The following SH3RF3 variants were observed in gnomAD, a reference collection of about 807,000 sequenced individuals.
SH3RF3 encodes E3 ubiquitin-protein ligase SH3RF3.
SH3RF3 carries 29 observed loss-of-function variants against 66.3 expected under a neutral mutation model. The ratio of observed to expected loss-of-function variants is 0.44; its 90% CI spans 0.33 to 0.60. The LOEUF (loss-of-function observed/expected upper bound fraction) is 0.60, where lower values mean the gene tolerates loss of function less well. Among genes scored for constraint, SH3RF3 ranks in the 20% least tolerant of loss-of-function variants. SH3RF3 has a pLI of 0.04. For missense variants in SH3RF3, 1,194 were observed against 1,190.9 expected (o/e 1.00, Z -0.04); for synonymous variants, 583 against 532.0 (o/e 1.10, Z -1.32).
chr2:109,170,481 G>A (rs1677752079), intron 1 of SH3RF3, among the ~76,000 whole-genome samples: 1 of 152,026 alleles, frequency 6.6e-6, no homozygotes, highest in Non-Finnish European at 1.5e-5. Flanking sequence ...GAGTAGCTGG[G>A]ACTGCAGGCG....
At chr2:109,429,951 G>A (rs531215006) in intron 5 of SH3RF3, among the ~76,000 whole-genome samples, 12 of 152,294 alleles carry the variant, frequency 7.9e-5, no homozygotes, top group African/African-American at 2.4e-4. Flanking sequence ...GCCAATCCAC[G>A]GAACAAGGCC....
At chr2:109,463,717 A>C (rs1678266033) in intron 8 of SH3RF3, among the ~76,000 whole-genome samples, 1 of 152,198 alleles carries the variant, frequency 6.6e-6, no homozygotes, top group African/African-American at 2.4e-5. Flanking sequence ...CAAAGTTTTT[A>C]ACACCTTGGA....
chr2:109,471,757 G>A (rs1391000190), intron 8 of SH3RF3, among the ~76,000 whole-genome samples: 1 of 152,196 alleles, frequency 6.6e-6, no homozygotes, highest in Admixed American at 6.5e-5. Context: ...GGTCCCAAGA[G>A]CTTAGCCATA....
intron 1 of SH3RF3, among the ~76,000 whole-genome samples, chr2:109,144,623 G>T (rs1307314711): frequency 6.6e-6 from 1 of 152,264 alleles, no homozygotes; most frequent in African/African-American, 2.4e-5. Flanking sequence ...GCAAACATGA[G>T]AAACCCAGCC....
chr2:109,449,530 G>A (rs1205163729), intron 8 of SH3RF3, 41 bp downstream of exon 8: 2 of 1,592,016 alleles, frequency 1.3e-6, no homozygotes, highest in Non-Finnish European at 1.7e-6. Flanking sequence ...CTCGAGGCCA[G>A]CTGCTTACTG....
At chr2:109,410,173 G>A (rs961381151) in intron 4 of SH3RF3, among the ~76,000 whole-genome samples, 1 of 152,338 alleles carries the variant, frequency 6.6e-6, no homozygotes, top group East Asian at 1.9e-4. Context: ...TCGGGGAACC[G>A]CGGCCACAGC....
chr2:109,359,849 C>T (rs1683019497), intron 2 of SH3RF3, among the ~76,000 whole-genome samples: 1 of 152,156 alleles, frequency 6.6e-6, no homozygotes, highest in South Asian at 2.1e-4. Context: ...TTCCCCCATG[C>T]AAGCACAACC....
At chr2:109,328,862 A>AT (rs1206429895) in intron 1 of SH3RF3, among the ~76,000 whole-genome samples, 1 of 152,158 alleles carries the variant, frequency 6.6e-6, no homozygotes, top group African/African-American at 2.4e-5. Context: ...AGTGTCAAAT[A>AT]TATCCCTGGA....
chr2:109,139,582 C>G (rs779170526), intron 1 of SH3RF3, among the ~76,000 whole-genome samples: 2 of 152,034 alleles, frequency 1.3e-5, no homozygotes, highest in African/African-American at 2.4e-5. Context: ...AAATGTGTTC[C>G]TTATGGAATT....
chr2:109,367,005 G>A (rs939902358), intron 2 of SH3RF3, among the ~76,000 whole-genome samples: 7 of 152,262 alleles, frequency 4.6e-5, no homozygotes, highest in African/African-American at 1.7e-4. Flanking sequence ...CCAGGCTGGA[G>A]TGGAGTGGCA....
chr2:109,353,808 G>A lies in SH3RF3; in HGVS notation c.849+5859G>A, dbSNP rs1385616813. ...GTGTGCATGCGTGTGTCCGTGTGCA[G>A]TGGGAGCTGCCGGCAGTGAGAGGGT... On this transcript the variant is annotated intron_variant, in intron 2 of 9. Coordinates refer to ENST00000309415, the MANE Select transcript of SH3RF3 (RefSeq NM_001099289.3). Among the ~76,000 whole-genome samples the A allele has an allele frequency of 2.0e-5, 3 of 152,218 alleles. 1 individual carries two copies. Among genetic ancestry groups the A allele is most frequent in the African/African-American group, 7.2e-5 (3 of 41,458 alleles).
chr2:109,453,814 C>T (rs1437040962), intron 8 of SH3RF3, among the ~76,000 whole-genome samples: 3 of 152,192 alleles, frequency 2.0e-5, no homozygotes, highest in South Asian at 4.1e-4. Flanking sequence ...CCGACAAAGG[C>T]GCCTGGTCAG....
At chr2:109,172,829 C>T (rs1677819058) in intron 1 of SH3RF3, among the ~76,000 whole-genome samples, 1 of 152,244 alleles carries the variant, frequency 6.6e-6, no homozygotes, top group Admixed American at 6.5e-5. Flanking sequence ...GAAGCCTCGA[C>T]TGGTGAGTAT....
intron 4 of SH3RF3, among the ~76,000 whole-genome samples, chr2:109,407,569 A>G (rs1676481403): frequency 6.6e-6 from 1 of 152,192 alleles, no homozygotes; most frequent in African/African-American, 2.4e-5. Context: ...CAGCCCCCAG[A>G]CTTACTGCTT....
chr2:109,462,508 G>A (rs1678232929), intron 8 of SH3RF3, among the ~76,000 whole-genome samples: 1 of 152,106 alleles, frequency 6.6e-6, no homozygotes, highest in Non-Finnish European at 1.5e-5. Flanking sequence ...GGCCAAACAG[G>A]AGAGTTGAAT....
chr2:109,278,229 C>T (rs931405764), intron 1 of SH3RF3, among the ~76,000 whole-genome samples: 1 of 152,058 alleles, frequency 6.6e-6, no homozygotes, highest in African/African-American at 2.4e-5. Context: ...TCTCTGCACT[C>T]CTTTGTGGAG....
chr2:109,490,684 C>T lies in SH3RF3; in HGVS notation c.2228C>T (p.Ser743Phe). ...AAGTCACGCTCCCCGCCATCTGTGT[C>T]TCCAACCCACGACCCCCAGGTGGCC... ...KKKSRSPPSV[S>F]PTHDPQVAVD... Residue 743 changes from serine (S) to phenylalanine (F), a missense_variant, in exon 9 of 10, where the codon TCT becomes TTT. Coordinates refer to ENST00000309415, the MANE Select transcript of SH3RF3 (RefSeq NM_001099289.3). The T allele has an allele frequency of 6.5e-7, 1 of 1,529,474 alleles. No individual in the cohort carries two copies. The highest frequency in any genetic ancestry group is 8.8e-7 in the Non-Finnish European group (1 of 1,141,022). The allele number at this position is 1,529,474 out of a possible 1,614,324, so 94.7% of individuals were successfully genotyped here. A position where few individuals can be genotyped will look rare whatever the true frequency, so the allele number is the denominator to read the frequency against.
intron 1 of SH3RF3, chr2:109,313,765 G>A (rs1681795382): frequency 6.5e-6 from 1 of 155,010 alleles, no homozygotes; most frequent in Non-Finnish European, 1.5e-5. Context: ...TTGTAGCGAT[G>A]GGGTCAGCTG....
At chr2:109,407,801 C>G (rs2104472823) in intron 4 of SH3RF3, among the ~76,000 whole-genome samples, 1 of 152,284 alleles carries the variant, frequency 6.6e-6, no homozygotes, top group Non-Finnish European at 1.5e-5. Context: ...TTCTACAAAT[C>G]TGGAAATAGC....
Sources: gnomAD v4.1 joint callset for allele counts (sites outside exome capture counted in the v4.1 genomes callset) on GRCh38, gnomAD v4.1.1 for gene constraint, MANE v1.5 for transcripts, NCBI Gene and HGNC (gene_info 2026-07-23, HGNC 2026-07-21) for gene names.